The following KIAA1549L variants were observed in gnomAD, a reference collection of about 807,000 sequenced individuals.
The protein encoded by KIAA1549L is KIAA1549 like.
A neutral mutation model predicts 160.7 loss-of-function variants in KIAA1549L; 88 were observed. That is an observed-to-expected ratio of 0.55 (90% confidence interval 0.46 to 0.65). The LOEUF (loss-of-function observed/expected upper bound fraction) is 0.65, where lower values mean the gene tolerates loss of function less well. Among genes scored for constraint, KIAA1549L ranks in the 30% least tolerant of loss-of-function variants. The pLI is 0.00. For missense variants in KIAA1549L, 2,258 were observed against 2,437.5 expected (o/e 0.93, Z 1.55); for synonymous variants, 950 against 976.7 (o/e 0.97, Z 0.51).
At chr11:33,524,118 T>C (rs1436059290) in intron 1 of KIAA1549L, among the ~76,000 whole-genome samples, 1 of 152,172 alleles carries the variant, frequency 6.6e-6, no homozygotes, top group African/African-American at 2.4e-5. Context: ...CTCCTACCTT[T>C]TTCTATGGTA....
At chr11:33,520,697 ACACACACACACACAC>A (rs1853466982) in intron 1 of KIAA1549L, among the ~76,000 whole-genome samples, 1 of 49,978 alleles carries the variant, frequency 2.0e-5, no homozygotes, top group African/African-American at 1.1e-4. Flanking sequence ...ACACACACAC[ACACACACACACACAC>A]ACACACACAC....
intron 1 of KIAA1549L, among the ~76,000 whole-genome samples, chr11:33,418,437 C>T (rs1850930131): frequency 1.3e-5 from 2 of 152,154 alleles, no homozygotes; most frequent in African/African-American, 4.8e-5. Context: ...AGACAAGGCC[C>T]TGTCCTCTTG....
rs1376903467 is a variant in KIAA1549L, at chr11:33,668,546, T to G, written c.*392T>G. 1 of 246,850 alleles carries G rather than the reference T, an allele frequency of 4.1e-6. No homozygotes were observed. Among genetic ancestry groups the G allele is most frequent in the African/African-American group, 2.2e-5 (1 of 45,554 alleles). The allele number at this position is 246,850 out of a possible 1,614,324, so 15.3% of individuals were successfully genotyped here. ...TCTTATCTTCGGTGACCTCTGCATG[T>G]TAACTCTGTTTCTGTGTTAAAGGCA... On this transcript the variant is annotated 3_prime_UTR_variant, in exon 21 of 21. Transcript: ENST00000658780.
intron 12 of KIAA1549L, among the ~76,000 whole-genome samples, chr11:33,595,436 C>T (rs2133296348): frequency 6.6e-6 from 1 of 152,154 alleles, no homozygotes; most frequent in African/African-American, 2.4e-5. Context: ...ACCATGTCGG[C>T]CAGGCTGGTC....
At chr11:33,564,506 C>T (rs1487655780) in intron 8 of KIAA1549L, among the ~76,000 whole-genome samples, 2 of 152,248 alleles carry the variant, frequency 1.3e-5, no homozygotes, top group Admixed American at 6.5e-5. Flanking sequence ...CTCCTGAAGT[C>T]TCTTTACAGA....
At chr11:33,470,675 A>G (rs1378134953) in intron 1 of KIAA1549L, among the ~76,000 whole-genome samples, 2 of 152,136 alleles carry the variant, frequency 1.3e-5, no homozygotes, top group Non-Finnish European at 2.9e-5. Context: ...TCTTGAGTTC[A>G]AGCAATCCAC....
intron 1 of KIAA1549L, among the ~76,000 whole-genome samples, chr11:33,383,094 A>G (rs917690179): frequency 6.6e-6 from 1 of 152,074 alleles, no homozygotes; most frequent in African/African-American, 2.4e-5. Context: ...CAAACTGACC[A>G]CCACCATGGA....
chr11:33,606,718 T>A lies in KIAA1549L; in HGVS notation c.4957T>A (p.Ser1653Thr). The A allele has an allele frequency of 6.2e-7, 1 of 1,613,842 alleles. No homozygotes were observed. Among genetic ancestry groups the A allele is most frequent in the Non-Finnish European group, 8.5e-7 (1 of 1,179,856 alleles). Reference sequence around the variant, plus strand: ...GGTGGCCGCTGAACCCTTTGACACATCTTCTGGGTCTGTGCAGCTCATTGC... The same window carrying A: ...GGTGGCCGCTGAACCCTTTGACACAACTTCTGGGTCTGTGCAGCTCATTGC... Reference protein sequence around the residue: ...SKVAAEPFDTSSGSVQLIAIK... With the variant: ...SKVAAEPFDTTSGSVQLIAIK... Residue 1653 changes from serine (S) to threonine (T), a missense_variant, in exon 14 of 21, where the codon TCT becomes ACT. Ser to Thr is a moderately conservative substitution (Grantham distance 58). Around this residue, in one of 6 missense-constraint regions of KIAA1549L, gnomAD observed 1,359 missense variants for 1,546.6 expected, o/e 0.88. Transcript: ENST00000658780.
rs889133705 is a variant in KIAA1549L, at chr11:33,454,658, AT to A, written c.238+77778del. On this transcript the variant is annotated intron_variant, in intron 1 of 20. Transcript: ENST00000658780. ...TCAAAAAGGTATATGGGTGTATTGT[AT>A]TTTTTTTTCTTAAGTCATTTTAGAG... Among the ~76,000 whole-genome samples, 343 of 151,580 alleles carry A rather than the reference AT, an allele frequency of 2.3e-3. 5 individuals carry two copies. Among genetic ancestry groups the A allele is most frequent in the Non-Finnish European group, 3.0e-3 (204 of 67,826 alleles).
At chr11:33,584,958 C>CG (rs1855763807) in intron 11 of KIAA1549L, among the ~76,000 whole-genome samples, 2 of 152,210 alleles carry the variant, frequency 1.3e-5, no homozygotes, top group Non-Finnish European at 2.9e-5. Flanking sequence ...ATCGTCCTTG[C>CG]GGGGGTCACG....
Position 33,574,723 on chromosome 11 carries a change from C to G in KIAA1549L, c.4252C>G (p.Pro1418Ala), listed in dbSNP as rs755431792. The change falls in exon 10 of 21, where the codon CCA becomes GCA. Residue 1418 changes from proline to alanine, a missense_variant. Pro to Ala is a conservative substitution (Grantham distance 27, BLOSUM62 -1). Around this residue, in one of 6 missense-constraint regions of KIAA1549L, gnomAD observed 1,359 missense variants for 1,546.6 expected, o/e 0.88. Coordinates refer to ENST00000658780, the MANE Select transcript of KIAA1549L (RefSeq NM_012194.3). ...TVQMVKMQRV[P>A]GPKDPAELTY... ...AAAGATGGTGAAGATGCAGCGTGTC[C>G]CAGGCCCGAAGGACCCAGCGGAGCT... 1.9e-6 allele frequency: 3 copies of G among 1,612,144 alleles called. No homozygotes were observed. In the South Asian group the frequency reaches 3.3e-5, roughly 18 times the overall value.
intron 1 of KIAA1549L, among the ~76,000 whole-genome samples, chr11:33,434,820 C>G (rs921566312): frequency 1.3e-5 from 2 of 152,206 alleles, no homozygotes; most frequent in African/African-American, 2.4e-5. Flanking sequence ...TGCCACTGGA[C>G]CCCTAGAAAT....
At chr11:33,449,674 C>G (rs1488082399) in intron 1 of KIAA1549L, among the ~76,000 whole-genome samples, 1 of 151,086 alleles carries the variant, frequency 6.6e-6, no homozygotes, top group Non-Finnish European at 1.5e-5. Context: ...CCTGATGGTC[C>G]TCTCTGACCT....
intron 1 of KIAA1549L, among the ~76,000 whole-genome samples, chr11:33,393,416 A>T (rs558830328): frequency 6.6e-6 from 1 of 152,166 alleles, no homozygotes; most frequent in Non-Finnish European, 1.5e-5. Flanking sequence ...CAGACTGTGA[A>T]CTCGTCAGAG....
At position 33,638,309 on chromosome 11, in the gene KIAA1549L, T is replaced by C. The variant is rs75381802; in HGVS notation, c.5410-7377T>C. Among the ~76,000 whole-genome samples, 80 of 152,242 alleles carry C rather than the reference T, an allele frequency of 5.3e-4. No homozygotes were observed. The East Asian group carries it at 0.014, about 26-fold the overall frequency. On this transcript the variant is annotated intron_variant, in intron 16 of 20. Transcript: ENST00000658780. Reference sequence around the variant, plus strand: ...ACCACTTGTCTGATATAAACCACTATAGTTTTGCCTGTTCTTGAACTTCAT... The same window carrying C: ...ACCACTTGTCTGATATAAACCACTACAGTTTTGCCTGTTCTTGAACTTCAT...
At chr11:33,411,420 C>A (rs900987176) in intron 1 of KIAA1549L, among the ~76,000 whole-genome samples, 1 of 152,144 alleles carries the variant, frequency 6.6e-6, no homozygotes, top group Non-Finnish European at 1.5e-5. Flanking sequence ...AGGTCCAGAA[C>A]TCCACAGGTG....
chr11:33,615,948 G>T (rs1235034442), intron 15 of KIAA1549L, among the ~76,000 whole-genome samples: 1 of 152,178 alleles, frequency 6.6e-6, no homozygotes, highest in Non-Finnish European at 1.5e-5. Context: ...ACTAGGAGCA[G>T]ATTGTTTCAA....
At chr11:33,630,013 C>T (rs370292640) in intron 16 of KIAA1549L, among the ~76,000 whole-genome samples, 7 of 152,024 alleles carry the variant, frequency 4.6e-5, no homozygotes, top group East Asian at 1.9e-4. Context: ...ACAGACAGGA[C>T]GCTCAGCTGC....
chr11:33,612,112 C>A (rs1455816315), intron 15 of KIAA1549L, among the ~76,000 whole-genome samples: 2 of 152,148 alleles, frequency 1.3e-5, no homozygotes, highest in Non-Finnish European at 2.9e-5. Flanking sequence ...AATGGAGAGC[C>A]ATAAACTGGG....
Sources: allele counts gnomAD v4.1 joint callset (sites outside exome capture counted in the v4.1 genomes callset), GRCh38; gene constraint gnomAD v4.1.1; regional missense constraint gnomAD v4.1.1; transcripts MANE v1.5; gene names NCBI Gene and HGNC (gene_info 2026-07-23, HGNC 2026-07-21).